The following TCERG1L variants were observed in gnomAD, a reference collection of about 807,000 sequenced individuals.
The protein encoded by TCERG1L is transcription elongation regulator 1-like protein.
TCERG1L carries 37 observed loss-of-function variants against 56.3 expected under a neutral mutation model. The observed-to-expected ratio is 0.66, with a 90% CI of 0.51 to 0.87. TCERG1L has a LOEUF of 0.87. Ranked by LOEUF, TCERG1L falls within the 40% of genes least tolerant of loss-of-function variation. The pLI is 0.00. For missense variants in TCERG1L, 799 were observed against 774.2 expected, an observed-to-expected ratio of 1.03 and a Z score of -0.38; for synonymous variants, 324 against 326.3, an observed-to-expected ratio of 0.99 and a Z score of 0.08.
chr10:131,308,184 C>A, intron 3 of TCERG1L, 27 bp downstream of exon 3: 2 of 1,571,344 alleles, frequency 1.3e-6, no homozygotes, highest in East Asian at 2.3e-5. Flanking sequence ...ATGAAACAGA[C>A]ATTGTCAATG....
At chr10:131,254,577 C>G (rs1846148773) in intron 4 of TCERG1L, among the ~76,000 whole-genome samples, 1 of 152,082 alleles carries the variant, frequency 6.6e-6, no homozygotes, top group African/African-American at 2.4e-5. Flanking sequence ...AGAGTGGAAA[C>G]AGAAGTACTT....
At chr10:131,295,136 C>T (rs571774890) in intron 3 of TCERG1L, among the ~76,000 whole-genome samples, 3 of 152,342 alleles carry the variant, frequency 2.0e-5, no homozygotes, top group African/African-American at 7.2e-5. Flanking sequence ...GATCCACTCA[C>T]ATCATTGCAC....
intron 5 of TCERG1L, among the ~76,000 whole-genome samples, chr10:131,164,383 A>G (rs952274256): frequency 3.3e-5 from 5 of 152,222 alleles, no homozygotes; most frequent in African/African-American, 1.2e-4. Context: ...TGTATGACAG[A>G]CCGCAGGTCT....
chr10:131,174,382 T>C (rs1364583486), intron 4 of TCERG1L, among the ~76,000 whole-genome samples: 1 of 152,176 alleles, frequency 6.6e-6, no homozygotes, highest in Non-Finnish European at 1.5e-5. Flanking sequence ...CAGGTCTTCC[T>C]GGGCCCTGCT....
chr10:131,245,549 A>C (rs975239559), intron 4 of TCERG1L, among the ~76,000 whole-genome samples: 7 of 152,132 alleles, frequency 4.6e-5, no homozygotes, highest in African/African-American at 1.7e-4. Context: ...CTCCGGGGGC[A>C]GCGACAGGAA....
intron 4 of TCERG1L, among the ~76,000 whole-genome samples, chr10:131,199,637 C>T (rs187337078): frequency 2.5e-4 from 38 of 152,340 alleles, no homozygotes; most frequent in Non-Finnish European, 4.3e-4. Flanking sequence ...ACAGCAGTCA[C>T]GTCACACCCC....
chr10:131,310,494 T>G (rs1024425571), intron 1 of TCERG1L, among the ~76,000 whole-genome samples: 1 of 152,250 alleles, frequency 6.6e-6, no homozygotes, highest in African/African-American at 2.4e-5. Context: ...AATATGCTAA[T>G]GAGGTCAATC....
intron 7 of TCERG1L, among the ~76,000 whole-genome samples, chr10:131,134,927 C>A (rs1845658885): frequency 6.6e-6 from 1 of 152,210 alleles, no homozygotes; most frequent in South Asian, 2.1e-4. Context: ...ATTCCCCTAC[C>A]CCACATGTGG....
intron 4 of TCERG1L, among the ~76,000 whole-genome samples, chr10:131,187,078 CT>C (rs1425778131): frequency 2.0e-5 from 3 of 152,210 alleles, no homozygotes; most frequent in Non-Finnish European, 4.4e-5. Context: ...CGCTCTGCCC[CT>C]GTACAACAAG....
chr10:131,271,744 G>A (rs1417299995), intron 3 of TCERG1L, among the ~76,000 whole-genome samples: 2 of 152,192 alleles, frequency 1.3e-5, no homozygotes, highest in African/African-American at 2.4e-5. Context: ...AGGCCTCCCC[G>A]AGGGCAGAGG....
chr10:131,165,239 G>GAAACACAGAGATTAAAGCA (rs1846018792), intron 5 of TCERG1L, among the ~76,000 whole-genome samples: 4 of 152,160 alleles, frequency 2.6e-5, no homozygotes, highest in Non-Finnish European at 4.4e-5. Flanking sequence ...GGAAGGACAA[G>GAAACACAGAGATTAAAGCA]AAACACAGAG....
In TCERG1L at chr10:131,197,674, G is replaced by A. The variant is rs186821310; in HGVS notation, c.857-30789C>T. ...AGGGAGATGGCCCAAAATTGAACAC[G>A]TGCATGCAGATAGCAGGACACACCA... is the stretch of plus-strand genomic sequence containing the variant. On this transcript the variant is annotated intron_variant, in intron 4 of 11. Transcript: ENST00000368642. Among the ~76,000 whole-genome samples the A allele has an allele frequency of 1.9e-3, 296 of 152,268 alleles. 7 individuals are homozygous for A. Among genetic ancestry groups the A allele is most frequent in the Non-Finnish European group, 2.5e-4 (17 of 68,022 alleles).
intron 3 of TCERG1L, among the ~76,000 whole-genome samples, chr10:131,300,457 T>C (rs745843842): frequency 6.6e-6 from 1 of 152,218 alleles, no homozygotes; most frequent in Non-Finnish European, 1.5e-5. Context: ...TACAGGTCTA[T>C]TGATCTAATT....
At chr10:131,147,863 G>C (rs1418920079) in intron 6 of TCERG1L, among the ~76,000 whole-genome samples, 2 of 152,368 alleles carry the variant, frequency 1.3e-5, no homozygotes, top group East Asian at 3.9e-4. Context: ...GGAGGAGCTG[G>C]GGATTCGTGC....
At chr10:131,204,339 C>G (rs574181724) in intron 4 of TCERG1L, among the ~76,000 whole-genome samples, 39 of 152,348 alleles carry the variant, frequency 2.6e-4, no homozygotes, top group African/African-American at 9.4e-4. Context: ...AGGTCACAAA[C>G]CAGCAAGTGG....
At chr10:131,206,396 C>T (rs2133482393) in intron 4 of TCERG1L, among the ~76,000 whole-genome samples, 1 of 152,264 alleles carries the variant, frequency 6.6e-6, no homozygotes, top group South Asian at 2.1e-4. Context: ...GGGCCCCAGA[C>T]AGCCAAGGAA....
chr10:131,118,429 A>T lies in TCERG1L; in HGVS notation c.1260-1495T>A, dbSNP rs149376592. ...CCACAGTCTCCCCAAGCTCCACTGA[A>T]CTTCTCAGTAGGCCTAGGATTCTGA... On this transcript the variant is annotated intron_variant, in intron 8 of 11. Coordinates refer to ENST00000368642, the MANE Select transcript of TCERG1L (RefSeq NM_174937.4). The surrounding 1 kb of genome is among the most constrained non-coding windows in gnomAD (Gnocchi z 4.2). Among the ~76,000 whole-genome samples the T allele has an allele frequency of 5.0e-3, 764 of 152,156 alleles. 8 individuals carry two copies. Among genetic ancestry groups the T allele is most frequent in the Middle Eastern group, 0.017 (5 of 294 alleles).
chr10:131,258,016 T>C (rs1846191868), intron 4 of TCERG1L, among the ~76,000 whole-genome samples: 1 of 152,262 alleles, frequency 6.6e-6, no homozygotes, highest in South Asian at 2.1e-4. Context: ...GCTGTGTTCT[T>C]CTGAGTCCAT....
chr10:131,115,527 G>A lies in TCERG1L; in HGVS notation c.1395+1272C>T, dbSNP rs4237472. On this transcript the variant is annotated intron_variant, in intron 9 of 11. Coordinates refer to ENST00000368642, the MANE Select transcript of TCERG1L (RefSeq NM_174937.4). ...GCCGGATCCACACGCGCGCGTCCACGTCGCGCTCTGTGCCTCTCAGCACGT... is the reference window on the plus strand; with the variant it reads ...GCCGGATCCACACGCGCGCGTCCACATCGCGCTCTGTGCCTCTCAGCACGT... Among the ~76,000 whole-genome samples the A allele has an allele frequency of 7.1e-3, 308 of 43,264 alleles. 1 individual carries two copies. The highest frequency in any genetic ancestry group is 6.3e-3 in the Non-Finnish European group (98 of 15,442). The allele number at this position is 43,264 out of a possible 152,430, so 28.4% of individuals were successfully genotyped here.
Sources: gnomAD v4.1 joint callset for allele counts (sites outside exome capture counted in the v4.1 genomes callset) on GRCh38, gnomAD v4.1.1 for gene constraint, Gnocchi (gnomAD v3.1) non-coding constraint, MANE v1.5 for transcripts, NCBI Gene and HGNC (gene_info 2026-07-23, HGNC 2026-07-21) for gene names.